The following RASA1 variants were observed in gnomAD, a reference collection of about 807,000 sequenced individuals.
RASA1 encodes the protein RAS p21 protein activator 1.
In RASA1, 25 loss-of-function variants were observed where a neutral mutation model predicts 132.2. That is an observed-to-expected ratio of 0.19 (90% confidence interval 0.14 to 0.26). The LOEUF (loss-of-function observed/expected upper bound fraction) is 0.26. Among genes scored for constraint, RASA1 ranks in the 10% least tolerant of loss-of-function variants. The pLI, the probability that RASA1 is intolerant of heterozygous loss-of-function variation, is 1.00. For synonymous variants in RASA1, 477 were observed against 449.9 expected, an observed-to-expected ratio of 1.06 and a Z score of -0.76; for missense variants, 964 against 1,299.2, an observed-to-expected ratio of 0.74 and a Z score of 3.97.
At chr5:87,385,473 T>A in intron 22 of RASA1, 84 bp downstream of exon 22, 1 of 1,046,278 alleles carries the variant, frequency 9.6e-7, no homozygotes, top group Non-Finnish European at 1.5e-6. Flanking sequence ...TTAAGTAAAT[T>A]TTTAGCAGTG....
rs886060848 is a variant in RASA1 at position 87,391,455 on chromosome 5, C to T, written c.*572C>T. 1.7e-5 allele frequency: 4 copies of T among 241,698 alleles called. No homozygotes were observed. In the East Asian group the frequency reaches 2.4e-4, roughly 14 times the overall value. The allele number at this position is 241,698 out of a possible 1,614,324, so 15.0% of individuals were successfully genotyped here. Reference sequence around the variant, plus strand: ...TTTTAAAAAATACTCTGCTATTTCTCTTGCTGGAACTGTTGAAAGAAAATA... The same window carrying T: ...TTTTAAAAAATACTCTGCTATTTCTTTTGCTGGAACTGTTGAAAGAAAATA... On this transcript the variant is annotated 3_prime_UTR_variant, in exon 25 of 25. Coordinates refer to ENST00000274376, the MANE Select transcript of RASA1 (RefSeq NM_002890.3).
chr5:87,331,090 G>A, intron 1 of RASA1: 1 of 951,484 alleles, frequency 1.1e-6, no homozygotes, highest in South Asian at 1.7e-5. Context: ...GAAGTAGGGA[G>A]ATGGGTAGAA....
intron 1 of RASA1, among the ~76,000 whole-genome samples, chr5:87,290,116 G>T (rs1466847009): frequency 6.6e-6 from 1 of 152,194 alleles, no homozygotes; most frequent in Non-Finnish European, 1.5e-5. Flanking sequence ...TATATAGCTT[G>T]TTCTGGGTGA....
At position 87,374,756 on chromosome 5, in the gene RASA1, G is replaced by A. The variant is rs757736832; in HGVS notation, c.1935-84G>A. ...TTTTTTTTTTAAAGCAGAAATAGGG[G>A]GTTTATTTGATACTAGAACTAAAGA... On this transcript the variant is annotated intron_variant, in intron 14 of 24. Transcript: ENST00000274376. 2.5e-5 allele frequency: 39 copies of A among 1,557,132 alleles called. No homozygotes were observed. The Admixed American group carries it at 3.2e-4, about 13-fold the overall frequency.
intron 1 of RASA1, among the ~76,000 whole-genome samples, chr5:87,272,893 C>T (rs1319725803): frequency 6.6e-6 from 1 of 152,078 alleles, no homozygotes; most frequent in African/African-American, 2.4e-5. Context: ...GAAGGAAAAG[C>T]CTTAAAGACA....
rs374633615 is a variant in RASA1, at chr5:87,326,739, G to A, written c.540-4609G>A. 2.6e-5 allele frequency among the ~76,000 whole-genome samples: 4 copies of A among 152,230 alleles called. No individual in the cohort carries two copies. In the South Asian group the frequency reaches 8.3e-4, roughly 32 times the overall value. On this transcript the variant is annotated intron_variant, in intron 1 of 24. Coordinates refer to ENST00000274376, the MANE Select transcript of RASA1 (RefSeq NM_002890.3). The stretch of plus-strand genomic sequence containing the variant: ...GGGGCTCTTTGGGGGTTTCCTTCTA[G>A]AGTTGCCAGGTGAAATAGAATTTCT...
At chr5:87,329,661 G>A (rs1214696701) in intron 1 of RASA1, among the ~76,000 whole-genome samples, 1 of 151,906 alleles carries the variant, frequency 6.6e-6, no homozygotes, top group Non-Finnish European at 1.5e-5. Context: ...CAAATAACAA[G>A]TATATAAAAA....
At chr5:87,376,200 C>T (rs1761314849) in intron 15 of RASA1, 193 bp from the exon 16 acceptor site, 2 of 651,640 alleles carry the variant, frequency 3.1e-6, no homozygotes, top group Admixed American at 2.6e-5. Flanking sequence ...GTACTCTCTA[C>T]CTATCAGAGT....
chr5:87,380,553 A>AT lies in RASA1; in HGVS notation c.2649dup (p.Lys884Ter). 1 of 1,613,566 alleles carries AT rather than the reference A, an allele frequency of 6.2e-7. No homozygotes were observed. The highest frequency in any genetic ancestry group is 1.3e-5 in the African/African-American group (1 of 75,036). On this transcript the variant is annotated frameshift_variant, in exon 20 of 25. Coordinates refer to ENST00000274376, the MANE Select transcript of RASA1 (RefSeq NM_002890.3). LOFTEE classifies it high-confidence loss of function. ...GGGTGTTTACAGAAATCTGTTCAGC[A>AT]TAAGTGGCCTACAAATACCACCATG...
chr5:87,386,959 T>G (rs1762105290), intron 23 of RASA1, 56 bp downstream of exon 23: 8 of 1,415,298 alleles, frequency 5.7e-6, no homozygotes, highest in Non-Finnish European at 2.0e-6. Flanking sequence ...TATAGCTGAG[T>G]TAACCCATTT....
chr5:87,387,896 T>G (rs1762174413), intron 23 of RASA1, among the ~76,000 whole-genome samples: 1 of 152,154 alleles, frequency 6.6e-6, no homozygotes, highest in African/African-American at 2.4e-5. Flanking sequence ...ACTATAATGT[T>G]TAAGGAACTG....
intron 1 of RASA1, among the ~76,000 whole-genome samples, chr5:87,309,466 G>A (rs1755768731): frequency 6.6e-6 from 1 of 152,060 alleles, no homozygotes; most frequent in South Asian, 2.1e-4. Context: ...AATACACACA[G>A]TGTGTTTGTG....
At chr5:87,332,005 GA>G (rs1238070751) in intron 2 of RASA1, among the ~76,000 whole-genome samples, 1 of 151,850 alleles carries the variant, frequency 6.6e-6, no homozygotes, top group Non-Finnish European at 1.5e-5. Context: ...AGAAGAAATT[GA>G]AAAAAATCAT....
In RASA1 at chr5:87,333,320, A is replaced by G; in HGVS notation, c.882A>G (p.Pro294=). 6.2e-7 allele frequency: 1 copy of G among 1,613,348 alleles called. No homozygotes were observed. Among genetic ancestry groups the G allele is most frequent in the Non-Finnish European group, 8.5e-7 (1 of 1,179,522 alleles). ...CTATTCTACCTTACACAAAAGTACCAGACACTGATGAAATAAGGTATTTTA... is the reference window on the plus strand; with the variant it reads ...CTATTCTACCTTACACAAAAGTACCGGACACTGATGAAATAAGGTATTTTA... ...VRAILPYTKV[P]DTDEISFLKG... is the part of the protein sequence containing the mutation. Residue 294 remains proline (P), a synonymous_variant, in exon 4 of 25, where the codon CCA becomes CCG. Coordinates refer to ENST00000274376, the MANE Select transcript of RASA1 (RefSeq NM_002890.3).
intron 4 of RASA1, among the ~76,000 whole-genome samples, chr5:87,334,925 C>G (rs886173916): frequency 6.6e-6 from 1 of 152,040 alleles, no homozygotes; most frequent in African/African-American, 2.4e-5. Context: ...GCTCTGTTAC[C>G]CAGGCTGGAG....
intron 2 of RASA1, among the ~76,000 whole-genome samples, chr5:87,331,745 T>C (rs866087758): frequency 3.3e-5 from 5 of 152,152 alleles, no homozygotes; most frequent in South Asian, 2.1e-4. Flanking sequence ...GTTTTTAAAG[T>C]ATAAAGAATT....
At chr5:87,352,132 A>G (rs1244282238) in intron 8 of RASA1, among the ~76,000 whole-genome samples, 1 of 151,622 alleles carries the variant, frequency 6.6e-6, no homozygotes, top group Non-Finnish European at 1.5e-5. Flanking sequence ...GCTTTTATTT[A>G]TCTCATTTTC....
intron 5 of RASA1, among the ~76,000 whole-genome samples, chr5:87,338,807 A>G (rs1234568642): frequency 6.6e-6 from 1 of 151,774 alleles, no homozygotes; most frequent in Non-Finnish European, 1.5e-5. Flanking sequence ...ATATATATAT[A>G]ATTTTCCAGT....
At chr5:87,383,143 T>C (rs1761839534) in intron 20 of RASA1, among the ~76,000 whole-genome samples, 1 of 152,014 alleles carries the variant, frequency 6.6e-6, no homozygotes, top group African/African-American at 2.4e-5. Context: ...AGTGTTCTAT[T>C]ATAGACATTT....
Sources: allele counts gnomAD v4.1 joint callset (sites outside exome capture counted in the v4.1 genomes callset), GRCh38; gene constraint gnomAD v4.1.1; transcripts MANE v1.5; gene names NCBI Gene and HGNC (gene_info 2026-07-23, HGNC 2026-07-21).